NTN1: variants seen among roughly 807,000 people sequenced by gnomAD.
NTN1 encodes netrin 1.
NTN1 carries 11 observed loss-of-function variants against 54.2 expected under a neutral mutation model. That is an observed-to-expected ratio of 0.20 (90% CI 0.13 to 0.34). The LOEUF (loss-of-function observed/expected upper bound fraction) is 0.34. Ranked by LOEUF, NTN1 falls within the 10% of genes least tolerant of loss-of-function variation. The pLI, the probability that NTN1 is intolerant of heterozygous loss-of-function variation, is 1.00. For synonymous variants in NTN1, 371 were observed against 382.0 expected, an observed-to-expected ratio of 0.97 and a Z score of 0.33; for missense variants, 740 against 893.1, an observed-to-expected ratio of 0.83 and a Z score of 2.18.
At chr17:9,122,771 G>T (rs547703716) in intron 2 of NTN1, among the ~76,000 whole-genome samples, 1 of 152,282 alleles carries the variant, frequency 6.6e-6, no homozygotes, top group East Asian at 1.9e-4. Context: ...TTGCCTGGTG[G>T]ACCTTTTTCT....
chr17:9,053,766 A>G (rs1364050374), intron 2 of NTN1, among the ~76,000 whole-genome samples: 2 of 152,250 alleles, frequency 1.3e-5, no homozygotes, highest in Non-Finnish European at 2.9e-5. Flanking sequence ...CATGAATAAG[A>G]AAAGAAATGA....
At chr17:9,208,774 T>C (rs1244970324) in intron 5 of NTN1, among the ~76,000 whole-genome samples, 1 of 152,224 alleles carries the variant, frequency 6.6e-6, no homozygotes, top group Non-Finnish European at 1.5e-5. Context: ...TGATGTACTC[T>C]TCATCCCCAG....
chr17:9,073,900 T>C (rs1597478196), intron 2 of NTN1, among the ~76,000 whole-genome samples: 1 of 152,212 alleles, frequency 6.6e-6, no homozygotes, highest in Non-Finnish European at 1.5e-5. Flanking sequence ...TTTGTGGCTG[T>C]TTTCCTGGGC....
chr17:9,160,507 C>T (rs190588395), intron 2 of NTN1, among the ~76,000 whole-genome samples: 5 of 152,118 alleles, frequency 3.3e-5, no homozygotes, highest in South Asian at 2.1e-4. Flanking sequence ...AAGTATGATC[C>T]GTGTTTGTAG....
chr17:9,239,777 A>G lies in NTN1; in HGVS notation c.1624A>G (p.Ile542Val). Reference protein sequence around the residue: ...DQSLWIRSRDIACKCPKIKPL... With the variant: ...DQSLWIRSRDVACKCPKIKPL... ...GAGCCTGTGGATCCGCTCGCGGGAC[A>G]TCGCCTGCAAGTGTCCCAAAATCAA... Residue 542 changes from isoleucine (I) to valine (V), a missense_variant, in exon 7 of 7, where the codon ATC becomes GTC. Coordinates refer to ENST00000173229, the MANE Select transcript of NTN1 (RefSeq NM_004822.3). This position sits in a 1 kb window ranked among gnomAD's most constrained non-coding sequence, Gnocchi z 5.2. 1.9e-6 allele frequency: 3 copies of G among 1,613,802 alleles called. No individual in the cohort carries two copies. The highest frequency in any genetic ancestry group is 1.6e-4 in the Middle Eastern group (1 of 6,062).
chr17:9,039,431 T>C lies in NTN1; in HGVS notation c.1018+16040T>C, dbSNP rs1461797852. On this transcript the variant is annotated intron_variant, in intron 2 of 6. Transcript: ENST00000173229. Reference sequence around the variant, plus strand: ...GCTTTTAGGATATCAGAAAAGTAGGTTTTAAGTCTGGTCAAAATCATGAAT... The same window carrying C: ...GCTTTTAGGATATCAGAAAAGTAGGCTTTAAGTCTGGTCAAAATCATGAAT... Among the ~76,000 whole-genome samples the C allele has an allele frequency of 2.0e-5, 3 of 152,312 alleles. No homozygotes were observed. In the East Asian group the frequency reaches 5.8e-4, roughly 29 times the overall value.
At chr17:9,107,475 G>A (rs1485330633) in intron 2 of NTN1, among the ~76,000 whole-genome samples, 3 of 152,202 alleles carry the variant, frequency 2.0e-5, no homozygotes, top group South Asian at 2.1e-4. Flanking sequence ...AAGAAAAAAA[G>A]TTTGGGGGTG....
intron 2 of NTN1, among the ~76,000 whole-genome samples, chr17:9,128,495 G>A (rs191370904): frequency 3.9e-5 from 6 of 152,262 alleles, no homozygotes. Context: ...GCTGTGCTTG[G>A]CCCATGCACT....
rs1257338207 is a variant in NTN1, at chr17:9,239,457, G to A, written c.1487-183G>A. Among the ~76,000 whole-genome samples the A allele has an allele frequency of 6.6e-6, 1 of 152,174 alleles. No individual in the cohort carries two copies. The highest frequency in any genetic ancestry group is 1.5e-5 in the Non-Finnish European group (1 of 68,030). Reference sequence around the variant, plus strand: ...CACAGCGTGGGAGGCAAGGCTTCTTGGCCCTGTTGTTAGCAGGTGGGGGTC... The same window carrying A: ...CACAGCGTGGGAGGCAAGGCTTCTTAGCCCTGTTGTTAGCAGGTGGGGGTC... On this transcript the variant is annotated intron_variant, in intron 6 of 6. Coordinates refer to ENST00000173229, the MANE Select transcript of NTN1 (RefSeq NM_004822.3). This position sits in a 1 kb window ranked among gnomAD's most constrained non-coding sequence, Gnocchi z 5.2.
intron 2 of NTN1, among the ~76,000 whole-genome samples, chr17:9,067,732 G>A (rs2092019801): frequency 1.3e-5 from 2 of 152,156 alleles, no homozygotes; most frequent in Non-Finnish European, 2.9e-5. Flanking sequence ...TTCAGGCCTG[G>A]ATCGGGAGTT....
chr17:9,135,866 C>T lies in NTN1; in HGVS notation c.1019-26947C>T, dbSNP rs979891879. ...CATTCACTCCCTGAGCTCCTCTTCA[C>T]ACATGTCGACTGAGCACAGCCCATA... is the stretch of plus-strand genomic sequence containing the variant. On this transcript the variant is annotated intron_variant, in intron 2 of 6. Transcript: ENST00000173229. This position sits in a 1 kb window ranked among gnomAD's most constrained non-coding sequence, Gnocchi z 4.4. 2.0e-5 allele frequency among the ~76,000 whole-genome samples: 3 copies of T among 152,306 alleles called. No individual in the cohort carries two copies. The highest frequency in any genetic ancestry group is 7.2e-5 in the African/African-American group (3 of 41,570).
rs1167880453 is a variant in NTN1 at position 9,116,194 on chromosome 17, A to T, written c.1019-46619A>T. 2.6e-5 allele frequency among the ~76,000 whole-genome samples: 4 copies of T among 152,166 alleles called. No homozygotes were observed. In the East Asian group the frequency reaches 7.7e-4, roughly 29 times the overall value. On this transcript the variant is annotated intron_variant, in intron 2 of 6. Coordinates refer to ENST00000173229, the MANE Select transcript of NTN1 (RefSeq NM_004822.3). Reference sequence around the variant, plus strand: ...CCACAGAGGCGAGTGGCTCTGCAGAACATTCCACGGGGGTGGCAGAACAGG... The same window carrying T: ...CCACAGAGGCGAGTGGCTCTGCAGATCATTCCACGGGGGTGGCAGAACAGG...
At chr17:9,189,307 G>C (rs1343655766) in intron 5 of NTN1, among the ~76,000 whole-genome samples, 1 of 152,236 alleles carries the variant, frequency 6.6e-6, no homozygotes, top group African/African-American at 2.4e-5. Flanking sequence ...TGGGCGCAGA[G>C]TCTGTGAGTG....
chr17:9,231,441 G>A (rs1905807925), intron 6 of NTN1, among the ~76,000 whole-genome samples: 1 of 152,176 alleles, frequency 6.6e-6, no homozygotes. Flanking sequence ...CTTCCTTCAG[G>A]TCTCCTCAGG....
chr17:9,237,661 G>A (rs1173327453), intron 6 of NTN1, among the ~76,000 whole-genome samples: 5 of 152,190 alleles, frequency 3.3e-5, no homozygotes, highest in South Asian at 4.1e-4. Flanking sequence ...TGTCCAGCAC[G>A]GCAGAAACAG....
intron 6 of NTN1, among the ~76,000 whole-genome samples, chr17:9,230,008 C>T (rs940745861): frequency 6.6e-6 from 1 of 151,976 alleles, no homozygotes. Context: ...TCACCACTCC[C>T]GCCTCTTGTC....
chr17:9,094,814 C>A lies in NTN1; in HGVS notation c.1019-67999C>A, dbSNP rs1391103953. Among the ~76,000 whole-genome samples the A allele has an allele frequency of 2.6e-5, 4 of 151,944 alleles. No homozygotes were observed. In the East Asian group the frequency reaches 7.7e-4, roughly 29 times the overall value. On this transcript the variant is annotated intron_variant, in intron 2 of 6. Coordinates refer to ENST00000173229, the MANE Select transcript of NTN1 (RefSeq NM_004822.3). ...GACTGGCCTGGCCAACATGGTGAAA[C>A]CCCGTCTCTACTACAAATACAAAAA...
At chr17:9,173,333 C>T (rs1253445360) in intron 3 of NTN1, 1 of 152,272 alleles carries the variant, frequency 6.6e-6, no homozygotes, top group South Asian at 2.1e-4. Context: ...CTGTCCCTGA[C>T]ATCATCTTCT....
In NTN1 at chr17:9,211,085, GCTATT is replaced by G. The variant is rs1424092621; in HGVS notation, c.1412-10080_1412-10076del. On this transcript the variant is annotated intron_variant, in intron 5 of 6. Coordinates refer to ENST00000173229, the MANE Select transcript of NTN1 (RefSeq NM_004822.3). This position sits in a 1 kb window ranked among gnomAD's most constrained non-coding sequence, Gnocchi z 4.4. ...CCACCACCCAACATTTCTGGCACAT[GCTATT>G]CTTCTAGAATAAAATCCAAACCCCT... Among the ~76,000 whole-genome samples the G allele has an allele frequency of 6.6e-6, 1 of 152,116 alleles. No individual in the cohort carries two copies. Among genetic ancestry groups the G allele is most frequent in the Non-Finnish European group, 1.5e-5 (1 of 68,030 alleles).
Sources: allele counts gnomAD v4.1 joint callset (sites outside exome capture counted in the v4.1 genomes callset), GRCh38; gene constraint gnomAD v4.1.1; non-coding constraint Gnocchi (gnomAD v3.1); transcripts MANE v1.5; gene names NCBI Gene and HGNC (gene_info 2026-07-23, HGNC 2026-07-21).